The following CALCA variants were observed in gnomAD, a reference collection of about 807,000 sequenced individuals.
CALCA encodes calcitonin related polypeptide alpha, also known as calcitonin.
CALCA carries 4 observed loss-of-function variants against 6.9 expected under a neutral mutation model. The observed-to-expected ratio is 0.58, with a 90% CI of 0.29 to 1.33. The LOEUF is 1.33. CALCA is among the 40% of genes most tolerant of loss of function. The probability of loss-of-function intolerance (pLI) is 0.09; values close to 1 mark genes in which losing one functional copy is unlikely to be tolerated. For synonymous variants in CALCA, 78 were observed against 70.0 expected (o/e 1.11, Z -0.57); for missense variants, 174 against 178.3 (o/e 0.98, Z 0.14).
intron 2 of CALCA, among the ~76,000 whole-genome samples, chr11:14,970,628 G>A (rs571538515): frequency 2.0e-5 from 3 of 152,270 alleles, no homozygotes; most frequent in South Asian, 2.1e-4. Flanking sequence ...GGCCGGGCGC[G>A]GTGGCTCACG....
downstream of CALCA, chr11:14,967,874 AAGAAG>A: frequency 6.2e-7 from 1 of 1,614,142 alleles, no homozygotes; most frequent in Non-Finnish European, 8.5e-7. Context: ...AGGATGGAGA[AAGAAG>A]AGAAGATCTG....
At position 14,968,604 on chromosome 11, in the gene CALCA, CTGGTATTTTCCCAGG is replaced by C. The variant is rs1362966508; in HGVS notation, c.*180_*194del. ...GGGGACTCAAAGCGGCCCTCATTTT[CTGGTATTTTCCCAGG>C]TGATTCTCTTCCAACCTGTGAGTCC... On this transcript the variant is annotated 3_prime_UTR_variant, in exon 4 of 4. Transcript: ENST00000331587. 1.3e-6 allele frequency: 2 copies of C among 1,490,820 alleles called. No homozygotes were observed. The highest frequency in any genetic ancestry group is 1.8e-6 in the Non-Finnish European group (2 of 1,121,738). 92.3% of individuals were successfully genotyped at this position (1,490,820 alleles called of 1,614,324 possible).
At chr11:14,969,389 C>A (rs555394386) in intron 3 of CALCA, among the ~76,000 whole-genome samples, 1 of 152,266 alleles carries the variant, frequency 6.6e-6, no homozygotes, top group Admixed American at 6.5e-5. Flanking sequence ...GGCCTCCTGA[C>A]AACATGCACA....
Position 14,969,918 on chromosome 11 carries a change from C to T in CALCA, c.227+17G>A, listed in dbSNP as rs782393904. On this transcript the variant is annotated intron_variant, in intron 3 of 3. Transcript: ENST00000331587. Reference sequence around the variant, plus strand: ...CGGGGAGAGGAGGCCCTGTGCTGAGCGCTTGGGGAGCCTCACCTGGAGCCC... The same window carrying T: ...CGGGGAGAGGAGGCCCTGTGCTGAGTGCTTGGGGAGCCTCACCTGGAGCCC... 54 of 1,612,282 alleles carry T rather than the reference C, an allele frequency of 3.3e-5. No homozygotes were observed. In the Middle Eastern group the frequency reaches 1.9e-3, roughly 58 times the overall value.
chr11:14,969,095 A>G, intron 3 of CALCA, 98 bp from the exon 4 acceptor site: 1 of 1,092,232 alleles, frequency 9.2e-7, no homozygotes, highest in Non-Finnish European at 1.4e-6. Flanking sequence ...CCCTGGGAGC[A>G]GGAGGGGCAG....
downstream of CALCA, chr11:14,968,296 AGGAGC>A: frequency 2.8e-6 from 1 of 361,742 alleles, no homozygotes; most frequent in African/African-American, 2.1e-5. Context: ...TACCTGGAAG[AGGAGC>A]GGAGTTTGCA....
intron 1 of CALCA, among the ~76,000 whole-genome samples, chr11:14,971,840 C>T (rs1555026569): frequency 6.6e-6 from 1 of 152,168 alleles, no homozygotes; most frequent in Non-Finnish European, 1.5e-5. Flanking sequence ...GTCGTCGTGC[C>T]TATTTGCCAC....
chr11:14,970,214 C>A (rs1226657193), intron 2 of CALCA, 139 bp from the exon 3 acceptor site: 3 of 1,225,142 alleles, frequency 2.4e-6, no homozygotes, highest in Non-Finnish European at 3.4e-6. Context: ...GGGCACAAGG[C>A]CAGTGTCCTC....
downstream of CALCA, chr11:14,967,175 G>T (rs1389601731): frequency 6.2e-6 from 1 of 160,312 alleles, no homozygotes; most frequent in Non-Finnish European, 1.4e-5. Context: ...TACCTCACTT[G>T]CTCTTTATAG....
chr11:14,969,905 G>T, intron 3 of CALCA, 30 bp downstream of exon 3: 1 of 1,612,210 alleles, frequency 6.2e-7, no homozygotes, highest in Non-Finnish European at 8.5e-7. Context: ...GGGAGAGGAG[G>T]CCCTGTGCTG....
chr11:14,969,323 C>G (rs1315843283), intron 3 of CALCA, among the ~76,000 whole-genome samples: 2 of 152,114 alleles, frequency 1.3e-5, no homozygotes, highest in Non-Finnish European at 2.9e-5. Context: ...AGGGGCTGGT[C>G]TCTGCTCAGG....
Position 14,969,083 on chromosome 11 carries a change from G to A in CALCA, c.228-86C>T. 5 of 1,277,616 alleles carry A rather than the reference G, an allele frequency of 3.9e-6. No homozygotes were observed. In the South Asian group the frequency reaches 6.0e-5, roughly 15 times the overall value. 79.1% of individuals were successfully genotyped at this position (1,277,616 alleles called of 1,614,324 possible). ...ACTTAGAAGGTTAGACCAGGCAGGG[G>A]ACCCTGGGAGCAGGAGGGGCAGGCA... On this transcript the variant is annotated intron_variant, in intron 3 of 3. Coordinates refer to ENST00000331587, the MANE Select transcript of CALCA (RefSeq NM_001741.3).
Position 14,968,559 on chromosome 11 carries a change from G to A in CALCA, c.*240C>T. On this transcript the variant is annotated 3_prime_UTR_variant, in exon 4 of 4. Transcript: ENST00000331587. ...CAGCACATTCAGAAGCAGGACAGAG[G>A]AGCTCTGATGACATCTCTGGGGGAC... The A allele has an allele frequency of 7.1e-7, 1 of 1,413,876 alleles. No individual in the cohort carries two copies. The highest frequency in any genetic ancestry group is 9.2e-7 in the Non-Finnish European group (1 of 1,085,258). The allele number at this position is 1,413,876 out of a possible 1,614,324, so 87.6% of individuals were successfully genotyped here.
In CALCA at chr11:14,968,864, C is replaced by T. The variant is rs1219180885; in HGVS notation, c.361G>A (p.Asp121Asn). The stretch of plus-strand genomic sequence containing the variant: ...TCTCTCTCCAAGTCGCTGGACATAT[C>T]CCTTTTCTTTCCAGGTGCTCCAACC... ...IGVGAPGKKR[D>N]MSSDLERDHR... Residue 121 changes from aspartate to asparagine, a missense_variant, in exon 4 of 4, where the codon GAT (aspartate) becomes AAT (asparagine). By Grantham distance (23) the Asp-to-Asn change is conservative (BLOSUM62 1). Coordinates refer to ENST00000331587, the MANE Select transcript of CALCA (RefSeq NM_001741.3). The T allele has an allele frequency of 6.2e-7, 1 of 1,614,048 alleles. No homozygotes were observed. Among genetic ancestry groups the T allele is most frequent in the African/African-American group, 1.3e-5 (1 of 74,900 alleles).
downstream of CALCA, chr11:14,967,556 G>A (rs1849484213): frequency 8.4e-7 from 1 of 1,187,126 alleles, no homozygotes; most frequent in Non-Finnish European, 1.2e-6. Flanking sequence ...TACTGGTGTG[G>A]GTACCTTCCC....
downstream of CALCA, chr11:14,968,240 G>A (rs1002001767): frequency 6.2e-6 from 2 of 323,950 alleles, no homozygotes; most frequent in East Asian, 7.9e-5. Flanking sequence ...CCCCAGTCAC[G>A]GGCACCAAAT....
chr11:14,971,487 A>G (rs1849604511), intron 1 of CALCA, among the ~76,000 whole-genome samples: 1 of 152,008 alleles, frequency 6.6e-6, no homozygotes, highest in East Asian at 1.9e-4. Context: ...CCAAAGCCAC[A>G]CAGATACATA....
At chr11:14,970,991 G>T in intron 2 of CALCA, 116 bp downstream of exon 2, 1 of 783,778 alleles carries the variant, frequency 1.3e-6, no homozygotes, top group Non-Finnish European at 2.3e-6. Flanking sequence ...TTATATATGT[G>T]CATGAGTACA....
At chr11:14,967,404 A>G (rs1283317124), downstream of CALCA, among the ~76,000 whole-genome samples, 2 of 152,232 alleles carry the variant, frequency 1.3e-5, no homozygotes, top group African/African-American at 4.8e-5. Flanking sequence ...GGCTAGAATA[A>G]TCAAAATTAT....
Sources: gnomAD v4.1 joint callset for allele counts (sites outside exome capture counted in the v4.1 genomes callset) on GRCh38, gnomAD v4.1.1 for gene constraint, MANE v1.5 for transcripts, NCBI Gene and HGNC (gene_info 2026-07-23, HGNC 2026-07-21) for gene names.